Variants in IGSF11 observed in about 807,000 individuals in gnomAD.
IGSF11 encodes CXADR like 1.
In IGSF11, 22 loss-of-function variants were observed where a neutral mutation model predicts 41.0. That is an observed-to-expected ratio of 0.54 (90% CI 0.38 to 0.77). IGSF11 has a LOEUF of 0.77. IGSF11 is among the 30% of genes least tolerant of loss of function. The pLI is 0.00. For missense variants in IGSF11, 444 were observed against 530.8 expected (o/e 0.84, Z 1.61); for synonymous variants, 219 against 201.3 (o/e 1.09, Z -0.74).
At chr3:119,046,384 A>C (rs1386789423) in intron 1 of IGSF11, among the ~76,000 whole-genome samples, 1 of 152,202 alleles carries the variant, frequency 6.6e-6, no homozygotes, top group Admixed American at 6.5e-5. Flanking sequence ...AACTGGAAGA[A>C]AGGGTATCAG....
At chr3:118,982,981 A>G (rs1390726356) in intron 1 of IGSF11, among the ~76,000 whole-genome samples, 1 of 152,198 alleles carries the variant, frequency 6.6e-6, no homozygotes, top group Non-Finnish European at 1.5e-5. Context: ...CACAATCCAC[A>G]TGGCAAAGGG....
At chr3:118,961,352 T>G (rs573866374) in intron 1 of IGSF11, among the ~76,000 whole-genome samples, 2 of 152,338 alleles carry the variant, frequency 1.3e-5, no homozygotes, top group Admixed American at 6.5e-5. Context: ...GTTCACAGGC[T>G]CTTTCATACA....
chr3:119,080,269 T>C (rs1175269731), intron 1 of IGSF11, among the ~76,000 whole-genome samples: 2 of 152,196 alleles, frequency 1.3e-5, no homozygotes, highest in Non-Finnish European at 2.9e-5. Context: ...ACTCTGAGGA[T>C]TATGGGAAAC....
At chr3:119,072,696 G>A (rs1243848463) in intron 1 of IGSF11, among the ~76,000 whole-genome samples, 6 of 152,132 alleles carry the variant, frequency 3.9e-5, no homozygotes, top group Admixed American at 3.3e-4. Context: ...TCAGGAATGA[G>A]GCTGCAGACC....
chr3:118,913,869 C>A (rs114679564), intron 4 of IGSF11, among the ~76,000 whole-genome samples: 2,097 of 152,092 alleles, frequency 0.014, 60 homozygotes, highest in African/African-American at 0.048. Flanking sequence ...AAAATGCAGA[C>A]AATACAAACA....
At chr3:118,958,173 G>A (rs747751208) in intron 1 of IGSF11, among the ~76,000 whole-genome samples, 1 of 152,176 alleles carries the variant, frequency 6.6e-6, no homozygotes, top group African/African-American at 2.4e-5. Context: ...TATTTCAGAG[G>A]AGGTAGGAAA....
intron 1 of IGSF11, among the ~76,000 whole-genome samples, chr3:119,094,830 C>T (rs1383293567): frequency 1.3e-5 from 2 of 151,958 alleles, no homozygotes; most frequent in African/African-American, 4.8e-5. Context: ...TGCCACCACA[C>T]CCAGCTAATT....
At chr3:119,119,283 G>A (rs903217590) in intron 1 of IGSF11, among the ~76,000 whole-genome samples, 2 of 152,176 alleles carry the variant, frequency 1.3e-5, no homozygotes, top group Non-Finnish European at 2.9e-5. Flanking sequence ...GGCCAGGGAA[G>A]CCTCACAATC....
intron 4 of IGSF11, among the ~76,000 whole-genome samples, chr3:118,924,009 A>G (rs76385212): frequency 0.027 from 4,062 of 152,102 alleles, 164 homozygotes; most frequent in African/African-American, 0.092. Flanking sequence ...CTTCCCATCA[A>G]ACTTTTGCTG....
intron 1 of IGSF11, among the ~76,000 whole-genome samples, chr3:119,134,537 A>G (rs368567451): frequency 6.6e-6 from 1 of 152,318 alleles, no homozygotes; most frequent in African/African-American, 2.4e-5. Flanking sequence ...AAGGAGAACT[A>G]CAAACCACTG....
At chr3:119,108,908 T>C (rs1365441118), upstream of IGSF11, among the ~76,000 whole-genome samples, 1 of 137,110 alleles carries the variant, frequency 7.3e-6, no homozygotes, top group Non-Finnish European at 1.7e-5. Flanking sequence ...TTTGCATATA[T>C]TGAACCAGCC....
At position 118,902,473 on chromosome 3, in the gene IGSF11, G is replaced by C; in HGVS notation, c.*47C>G. On this transcript the variant is annotated 3_prime_UTR_variant, in exon 7 of 7. Transcript: ENST00000393775. ...CCCCACCCCACCCTCCCCCTTGTAT[G>C]AGGGCATTCCATTTATTCATTTCTG... The C allele has an allele frequency of 7.2e-6, 3 of 415,662 alleles. No homozygotes were observed. Among genetic ancestry groups the C allele is most frequent in the Non-Finnish European group, 9.7e-6 (2 of 206,262 alleles). 25.7% of individuals were successfully genotyped at this position (415,662 alleles called of 1,614,324 possible).
chr3:119,081,384 T>A (rs1286525070), intron 1 of IGSF11, among the ~76,000 whole-genome samples: 1 of 152,158 alleles, frequency 6.6e-6, no homozygotes, highest in East Asian at 1.9e-4. Flanking sequence ...TGTGCTCTAC[T>A]CGATCATTGT....
chr3:119,000,370 T>C (rs2076595610), intron 1 of IGSF11, among the ~76,000 whole-genome samples: 1 of 150,776 alleles, frequency 6.6e-6, no homozygotes, highest in South Asian at 2.1e-4. Context: ...TCCAACTGCC[T>C]AATTGACACC....
rs1437527055 is a variant in IGSF11, at chr3:118,918,222, G to A, written c.580+7879C>T. On this transcript the variant is annotated intron_variant, in intron 4 of 6. Transcript: ENST00000393775. ...CAAGACAGGGATGCCCTCTCTCACC[G>A]CTCCTATTCAACATAGTGTTGGGAG... is the stretch of plus-strand genomic sequence containing the variant. Among the ~76,000 whole-genome samples, 252 of 109,914 alleles carry A rather than the reference G, an allele frequency of 2.3e-3. 3 individuals carry two copies. The highest frequency in any genetic ancestry group is 3.0e-3 in the Non-Finnish European group (177 of 59,828). 72.1% of individuals were successfully genotyped at this position (109,914 alleles called of 152,430 possible).
chr3:119,036,014 A>T (rs1017351566), upstream of IGSF11, among the ~76,000 whole-genome samples: 1 of 152,226 alleles, frequency 6.6e-6, no homozygotes. Flanking sequence ...AAGGATTGGA[A>T]GATATATGTA....
intron 1 of IGSF11, among the ~76,000 whole-genome samples, chr3:118,938,540 AAC>A (rs1943450196): frequency 6.6e-6 from 1 of 152,226 alleles, no homozygotes; most frequent in Non-Finnish European, 1.5e-5. Flanking sequence ...ACAAAAGCAG[AAC>A]CAGGCTTTGC....
At chr3:119,132,086 A>G (rs1157045076) in intron 1 of IGSF11, among the ~76,000 whole-genome samples, 1 of 152,240 alleles carries the variant, frequency 6.6e-6, no homozygotes, top group East Asian at 1.9e-4. Context: ...AGTACCAGCC[A>G]CTGCAAAAAC....
chr3:119,119,617 T>C (rs1284988303), intron 1 of IGSF11, among the ~76,000 whole-genome samples: 2 of 152,182 alleles, frequency 1.3e-5, no homozygotes, highest in Non-Finnish European at 2.9e-5. Flanking sequence ...AGCCAGCATC[T>C]TTGACTGCTT....
Sources: gnomAD v4.1 joint callset for allele counts (sites outside exome capture counted in the v4.1 genomes callset) on GRCh38, gnomAD v4.1.1 for gene constraint, MANE v1.5 for transcripts, NCBI Gene and HGNC (gene_info 2026-07-23, HGNC 2026-07-21) for gene names.